Variants in ADAMTS3 observed in about 807,000 individuals in gnomAD.
ADAMTS3 encodes the protein A disintegrin and metalloproteinase with thrombospondin motifs 3.
A neutral mutation model predicts 129.0 loss-of-function variants in ADAMTS3; 73 were observed. The ratio of observed to expected loss-of-function variants is 0.57; its 90% CI spans 0.47 to 0.69. The LOEUF (loss-of-function observed/expected upper bound fraction) is 0.69. Among genes scored for constraint, ADAMTS3 ranks in the 30% least tolerant of loss-of-function variants. ADAMTS3 has a pLI of 0.00. For missense variants in ADAMTS3, 1,457 were observed against 1,514.5 expected (o/e 0.96, Z 0.63); for synonymous variants, 477 against 510.8 (o/e 0.93, Z 0.89).
chr4:72,562,182 A>G (rs905288684), intron 2 of ADAMTS3, among the ~76,000 whole-genome samples: 10 of 152,220 alleles, frequency 6.6e-5, no homozygotes, highest in African/African-American at 2.4e-4. Flanking sequence ...CAGATTGCAT[A>G]ACCAAATATT....
At chr4:72,356,475 T>C (rs745805307) in intron 4 of ADAMTS3, among the ~76,000 whole-genome samples, 38 of 152,034 alleles carry the variant, frequency 2.5e-4, no homozygotes, top group Middle Eastern at 3.4e-3. Flanking sequence ...AATGTTTTTG[T>C]AATCCCTAAA....
chr4:72,392,125 C>T (rs1476200043), intron 4 of ADAMTS3, among the ~76,000 whole-genome samples: 3 of 152,114 alleles, frequency 2.0e-5, no homozygotes, highest in African/African-American at 7.2e-5. Flanking sequence ...AGAAGTGACC[C>T]CTTAGACCTC....
At chr4:72,363,739 T>TA (rs1364950866) in intron 4 of ADAMTS3, among the ~76,000 whole-genome samples, 3 of 149,276 alleles carry the variant, frequency 2.0e-5, no homozygotes, top group Non-Finnish European at 4.5e-5. Flanking sequence ...CCAAACGTTA[T>TA]AAAAAAAATA....
At chr4:72,431,850 G>A (rs1722706561) in intron 3 of ADAMTS3, among the ~76,000 whole-genome samples, 2 of 151,930 alleles carry the variant, frequency 1.3e-5, no homozygotes, top group South Asian at 2.1e-4. Flanking sequence ...CCAAGAAAGA[G>A]CCCACGAAAA....
At position 72,377,292 on chromosome 4, in the gene ADAMTS3, T is replaced by C. The variant is rs1332255114; in HGVS notation, c.661+37523A>G. ...CTCCTCACAAACATCTACCCAAATCTTTCCAATACAAATCCTGGACTTAGC... is the reference window on the plus strand; with the variant it reads ...CTCCTCACAAACATCTACCCAAATCCTTCCAATACAAATCCTGGACTTAGC... On this transcript the variant is annotated intron_variant, in intron 4 of 21. Transcript: ENST00000286657. Among the ~76,000 whole-genome samples, 13 of 152,176 alleles carry C rather than the reference T, an allele frequency of 8.5e-5. No individual in the cohort carries two copies. In the East Asian group the frequency reaches 2.5e-3, roughly 29 times the overall value.
rs920741065 is a variant in ADAMTS3, at chr4:72,319,890, A to G, written c.1176T>C (p.Ser392=). ...CCGTTTCATGGGCTACTACAAAAGC[A>G]GATGAAAAACCATCCTCATGATTCA... The part of the protein sequence containing the change: ...CTLNHEDGFS[S]AFVVAHETGH... Residue 392 remains serine, a synonymous_variant, in exon 8 of 22, where the codon TCT becomes TCC. Coordinates refer to ENST00000286657, the MANE Select transcript of ADAMTS3 (RefSeq NM_014243.3). The G allele has an allele frequency of 6.2e-6, 10 of 1,613,862 alleles. No individual in the cohort carries two copies. The African/African-American group carries it at 1.3e-4, about 22-fold the overall frequency.
chr4:72,494,495 TTCTA>T (rs970345110), intron 3 of ADAMTS3, among the ~76,000 whole-genome samples: 2 of 152,206 alleles, frequency 1.3e-5, no homozygotes, highest in Non-Finnish European at 2.9e-5. Context: ...TTGTTAAGTT[TTCTA>T]TCTGTGTTCT....
intron 4 of ADAMTS3, among the ~76,000 whole-genome samples, chr4:72,406,382 G>A (rs1367152745): frequency 3.9e-5 from 6 of 151,992 alleles, no homozygotes; most frequent in African/African-American, 9.7e-5. Flanking sequence ...GTAAGATAAC[G>A]GAACTACTTT....
At chr4:72,517,885 A>T (rs1285081324) in intron 3 of ADAMTS3, among the ~76,000 whole-genome samples, 1 of 150,296 alleles carries the variant, frequency 6.7e-6, no homozygotes, top group Non-Finnish European at 1.5e-5. Flanking sequence ...CTAGCTTTTG[A>T]ATGTGTTTGC....
chr4:72,322,722 C>A (rs538718523), intron 6 of ADAMTS3, among the ~76,000 whole-genome samples: 2 of 152,244 alleles, frequency 1.3e-5, no homozygotes, highest in East Asian at 3.9e-4. Flanking sequence ...TCTCTCTCCT[C>A]ATAATAGTAT....
chr4:72,327,330 GA>G (rs1488020114), intron 5 of ADAMTS3, among the ~76,000 whole-genome samples: 1 of 151,956 alleles, frequency 6.6e-6, no homozygotes, highest in African/African-American at 2.4e-5. Flanking sequence ...TATTTATTAA[GA>G]AAGTAATTTT....
At chr4:72,546,874 A>C (rs749165209) in intron 3 of ADAMTS3, among the ~76,000 whole-genome samples, 100 of 152,226 alleles carry the variant, frequency 6.6e-4, no homozygotes, top group Non-Finnish European at 1.2e-3. Context: ...TGCCATTGTC[A>C]TGACTCCTGA....
At chr4:72,435,312 T>C (rs1222577462) in intron 3 of ADAMTS3, among the ~76,000 whole-genome samples, 1 of 151,816 alleles carries the variant, frequency 6.6e-6, no homozygotes, top group African/African-American at 2.4e-5. Flanking sequence ...TCCCAAAATA[T>C]TGATTTTTAG....
At chr4:72,492,361 T>C (rs1455774925) in intron 3 of ADAMTS3, among the ~76,000 whole-genome samples, 2 of 151,498 alleles carry the variant, frequency 1.3e-5, no homozygotes, top group Non-Finnish European at 3.0e-5. Flanking sequence ...TTTTTCAATA[T>C]AGGCATTTAT....
intron 4 of ADAMTS3, among the ~76,000 whole-genome samples, chr4:72,342,450 G>T (rs1049172751): frequency 2.0e-5 from 3 of 147,628 alleles, no homozygotes; most frequent in African/African-American, 2.5e-5. Context: ...TGCAACCTCT[G>T]CCTCCCCGGT....
At chr4:72,315,670 T>G (rs1578574952) in intron 11 of ADAMTS3, among the ~76,000 whole-genome samples, 188 bp downstream of exon 11, 1 of 152,314 alleles carries the variant, frequency 6.6e-6, no homozygotes, top group Middle Eastern at 3.4e-3. Context: ...CCAACAAGTT[T>G]GTGAAAATTT....
chr4:72,298,149 G>T, intron 18 of ADAMTS3, 128 bp downstream of exon 18: 1 of 671,420 alleles, frequency 1.5e-6, no homozygotes, highest in Non-Finnish European at 2.4e-6. Context: ...GTTTTGTATT[G>T]ATGTTTTGAT....
chr4:72,532,683 T>A (rs923911339), intron 3 of ADAMTS3, among the ~76,000 whole-genome samples: 1 of 152,124 alleles, frequency 6.6e-6, no homozygotes, highest in African/African-American at 2.4e-5. Flanking sequence ...TCCTACTACA[T>A]ACCTACTACA....
chr4:72,312,288 C>T lies in ADAMTS3; in HGVS notation c.1921+3G>A. 6.2e-7 allele frequency: 1 copy of T among 1,613,372 alleles called. No individual in the cohort carries two copies. The highest frequency in any genetic ancestry group is 8.5e-7 in the Non-Finnish European group (1 of 1,179,558). ...GCAGGAAGGAGAGCACGAGGCTACT[C>T]ACGGTCAGGATGTTCATATGGCAAC... On this transcript the variant is annotated splice_donor_region_variant and intron_variant, in intron 13 of 21. Transcript: ENST00000286657.
Sources: gnomAD v4.1 joint callset for allele counts (sites outside exome capture counted in the v4.1 genomes callset) on GRCh38, gnomAD v4.1.1 for gene constraint, MANE v1.5 for transcripts, NCBI Gene and HGNC (gene_info 2026-07-23, HGNC 2026-07-21) for gene names.